Variants in COL28A1 observed in about 807,000 individuals in gnomAD.
COL28A1 encodes collagen type XXVIII alpha 1 chain, also known as collagen alpha-1(XXVIII) chain.
COL28A1 carries 161 observed loss-of-function variants against 150.2 expected under a neutral mutation model. The ratio of observed to expected loss-of-function variants is 1.07; its 90% CI spans 0.94 to 1.22. The LOEUF (loss-of-function observed/expected upper bound fraction) is 1.22. COL28A1 is among the 50% of genes most tolerant of loss of function. The pLI is 0.00. For missense variants in COL28A1, 1,617 were observed against 1,388.3 expected (o/e 1.16, Z -2.62); for synonymous variants, 552 against 469.7 (o/e 1.18, Z -2.26).
intron 4 of COL28A1, 161 bp from the exon 5 acceptor site, chr7:7,522,122 G>T: frequency 1.5e-6 from 1 of 680,818 alleles, no homozygotes; most frequent in Non-Finnish European, 2.7e-6. Context: ...CACTCTCAAA[G>T]AAATTTTACC....
At chr7:7,525,049 G>A (rs2023999) in intron 3 of COL28A1, among the ~76,000 whole-genome samples, 52,992 of 151,896 alleles carry the variant, frequency 0.35, 10,573 homozygotes, top group African/African-American at 0.55. Flanking sequence ...TAACTTAGGG[G>A]AAAAACTAAG....
intron 4 of COL28A1, among the ~76,000 whole-genome samples, chr7:7,522,749 A>G (rs899258534): frequency 1.4e-5 from 2 of 145,544 alleles, no homozygotes; most frequent in Non-Finnish European, 3.0e-5. Flanking sequence ...CATTGGAAGA[A>G]GAAGAATTGC....
At chr7:7,460,889 A>G (rs746768075) in intron 15 of COL28A1, among the ~76,000 whole-genome samples, 1 of 152,148 alleles carries the variant, frequency 6.6e-6, no homozygotes, top group Non-Finnish European at 1.5e-5. Context: ...AGATTTGGAG[A>G]TCATCGTGGA....
chr7:7,411,603 A>C (rs1025796845), intron 27 of COL28A1, among the ~76,000 whole-genome samples: 2 of 151,906 alleles, frequency 1.3e-5, no homozygotes, highest in African/African-American at 2.4e-5. Flanking sequence ...TGGTGCTCCT[A>C]CTAAATTCCA....
At chr7:7,402,855 A>T (rs764804363) in intron 27 of COL28A1, among the ~76,000 whole-genome samples, 2 of 152,190 alleles carry the variant, frequency 1.3e-5, no homozygotes, top group South Asian at 2.1e-4. Flanking sequence ...ATGCTCATTA[A>T]TATTTGTTGA....
At position 7,531,566 on chromosome 7, in the gene COL28A1, C is replaced by T. The variant is rs200426969; in HGVS notation, c.463G>A (p.Val155Met). Reference sequence around the variant, plus strand: ...ATGCCATCAGTCATCAGCAAAACCACTTTCACACCATCCTTACGCCCTTCT... The same window carrying T: ...ATGCCATCAGTCATCAGCAAAACCATTTTCACACCATCCTTACGCCCTTCT... ...KREGRKDGVK[V>M]VLLMTDGIDH... Residue 155 changes from valine to methionine, a missense_variant, in exon 3 of 35, where the codon GTG (valine) becomes ATG (methionine). Coordinates refer to ENST00000399429, the MANE Select transcript of COL28A1 (RefSeq NM_001037763.3). The T allele has an allele frequency of 7.2e-4, 1,155 of 1,607,370 alleles. 18 individuals carry two copies. In the South Asian group the frequency reaches 0.011, roughly 15 times the overall value.
rs766523527 is a variant in COL28A1 at position 7,490,650 on chromosome 7, G to C, written c.1027-4C>G. On this transcript the variant is annotated splice_polypyrimidine_tract_variant and splice_region_variant and intron_variant, in intron 11 of 34. Coordinates refer to ENST00000399429, the MANE Select transcript of COL28A1 (RefSeq NM_001037763.3). ...GACCAGGAGGACCTGGCTCACCCTG[G>C]AGGAAGAAATAGTGACATCAGTTAT... 3 of 1,203,710 alleles carry C rather than the reference G, an allele frequency of 2.5e-6. No individual in the cohort carries two copies. In the South Asian group the frequency reaches 3.7e-5, roughly 15 times the overall value. 74.6% of individuals were successfully genotyped at this position (1,203,710 alleles called of 1,614,324 possible).
At chr7:7,477,800 G>A (rs562626438) in intron 13 of COL28A1, among the ~76,000 whole-genome samples, 10 of 152,260 alleles carry the variant, frequency 6.6e-5, no homozygotes, top group African/African-American at 9.6e-5. Flanking sequence ...TGCCTCTGCT[G>A]GCTAGGGCAG....
chr7:7,341,761 T>G, the COL28A1 span, among the ~76,000 whole-genome samples: 1 of 152,190 alleles, frequency 6.6e-6, no homozygotes, highest in Non-Finnish European at 1.5e-5. Context: ...GATATTTTAG[T>G]GAACTTTTTG....
intron 1 of COL28A1, among the ~76,000 whole-genome samples, chr7:7,533,867 AG>A (rs1270255685): frequency 1.3e-5 from 2 of 152,180 alleles, no homozygotes; most frequent in Non-Finnish European, 2.9e-5. Flanking sequence ...ATCAATACTT[AG>A]TATGGCTTAA....
chr7:7,365,411 GCCGAC>G (rs1780884334), intron 33 of COL28A1, among the ~76,000 whole-genome samples: 1 of 152,140 alleles, frequency 6.6e-6, no homozygotes, highest in Non-Finnish European at 1.5e-5. Flanking sequence ...ACACCTGAGA[GCCGAC>G]ACCTGGAGTC....
At chr7:7,502,546 A>G (rs1480714918) in intron 11 of COL28A1, among the ~76,000 whole-genome samples, 1 of 152,222 alleles carries the variant, frequency 6.6e-6, no homozygotes, top group Non-Finnish European at 1.5e-5. Context: ...TCATAGACAT[A>G]GGCAGGCCCT....
chr7:7,354,736 A>C (rs974706217), downstream of COL28A1, among the ~76,000 whole-genome samples: 9 of 152,174 alleles, frequency 5.9e-5, no homozygotes, highest in African/African-American at 1.9e-4. Context: ...GTCTTACTTA[A>C]TTAATTAGCA....
intron 27 of COL28A1, among the ~76,000 whole-genome samples, chr7:7,385,199 TTTG>T: frequency 6.6e-6 from 1 of 152,320 alleles, no homozygotes; most frequent in East Asian, 1.9e-4. Context: ...TTGGTATAAA[TTTG>T]TTTTCTCAGA....
chr7:7,358,419 T>G lies in COL28A1; in HGVS notation c.*214A>C. Reference sequence around the variant, plus strand: ...CTGAAACTTTTTAGTTGGGTGACAGTTGACAAGTTACTAAACTTCTCAGAG... The same window carrying G: ...CTGAAACTTTTTAGTTGGGTGACAGGTGACAAGTTACTAAACTTCTCAGAG... On this transcript the variant is annotated 3_prime_UTR_variant, in exon 35 of 35. Transcript: ENST00000399429. 2.2e-6 allele frequency: 1 copy of G among 453,530 alleles called. No individual in the cohort carries two copies. Among genetic ancestry groups the G allele is most frequent in the South Asian group, 4.0e-5 (1 of 25,214 alleles). 28.1% of individuals were successfully genotyped at this position (453,530 alleles called of 1,614,324 possible).
At chr7:7,404,479 C>T (rs1013712050) in intron 27 of COL28A1, among the ~76,000 whole-genome samples, 1 of 152,064 alleles carries the variant, frequency 6.6e-6, no homozygotes, top group African/African-American at 2.4e-5. Flanking sequence ...ACCTCATCTG[C>T]ATCCACACTA....
intron 7 of COL28A1, 105 bp from the exon 8 acceptor site, chr7:7,515,945 A>G (rs1781392193): frequency 1.5e-6 from 1 of 668,684 alleles, no homozygotes; most frequent in African/African-American, 1.9e-5. Flanking sequence ...ACACATCTAT[A>G]CAGTCTGGAA....
At chr7:7,458,207 G>A (rs560881237) in intron 15 of COL28A1, among the ~76,000 whole-genome samples, 3 of 152,156 alleles carry the variant, frequency 2.0e-5, no homozygotes, top group African/African-American at 4.8e-5. Context: ...CCCTGAGATC[G>A]GGAGTTCGAG....
the COL28A1 span, among the ~76,000 whole-genome samples, chr7:7,342,480 T>C: frequency 6.6e-6 from 1 of 152,110 alleles, no homozygotes; most frequent in Non-Finnish European, 1.5e-5. Flanking sequence ...GTTGGGCTTT[T>C]TATTTATCTG....
Sources: allele counts gnomAD v4.1 joint callset (sites outside exome capture counted in the v4.1 genomes callset), GRCh38; gene constraint gnomAD v4.1.1; transcripts MANE v1.5; gene names NCBI Gene and HGNC (gene_info 2026-07-23, HGNC 2026-07-21).